COL19A1: variants seen among roughly 807,000 people sequenced by gnomAD.
The protein encoded by COL19A1 is collagen alpha-1(XIX) chain.
In COL19A1, 159 loss-of-function variants were observed where a neutral mutation model predicts 190.2. That is an observed-to-expected ratio of 0.84 (90% CI 0.73 to 0.95). The LOEUF (loss-of-function observed/expected upper bound fraction) is 0.95, where lower values mean the gene tolerates loss of function less well. Ranked by LOEUF, COL19A1 falls within the 40% of genes least tolerant of loss-of-function variation. COL19A1 has a pLI of 0.00. For synonymous variants in COL19A1, 509 were observed against 458.9 expected, an observed-to-expected ratio of 1.11 and a Z score of -1.39; for missense variants, 1,418 against 1,431.9, an observed-to-expected ratio of 0.99 and a Z score of 0.16.
intron 4 of COL19A1, among the ~76,000 whole-genome samples, chr6:69,927,246 T>C (rs1432740288): frequency 6.6e-6 from 1 of 152,174 alleles, no homozygotes; most frequent in Admixed American, 6.6e-5. Context: ...GTTTCTTTTA[T>C]TTTCTTATCA....
At chr6:70,041,869 T>G (rs1389637766) in intron 14 of COL19A1, among the ~76,000 whole-genome samples, 7 of 151,734 alleles carry the variant, frequency 4.6e-5, no homozygotes. Context: ...CTGGTCAACA[T>G]GGCAAAACCT....
At chr6:70,042,266 A>G (rs1168730772) in intron 14 of COL19A1, among the ~76,000 whole-genome samples, 1 of 152,154 alleles carries the variant, frequency 6.6e-6, no homozygotes, top group Non-Finnish European at 1.5e-5. Flanking sequence ...GAGATTGCCT[A>G]ATGCAGAATA....
chr6:70,095,531 T>C (rs1783198130), intron 15 of COL19A1, among the ~76,000 whole-genome samples: 1 of 152,204 alleles, frequency 6.6e-6, no homozygotes, highest in African/African-American at 2.4e-5. Context: ...TTTTGAATTG[T>C]GGTAAAAAAT....
chr6:69,892,199 C>T (rs1271879460), intron 2 of COL19A1, among the ~76,000 whole-genome samples: 1 of 152,182 alleles, frequency 6.6e-6, no homozygotes, highest in Non-Finnish European at 1.5e-5. Flanking sequence ...ATCCCAACTG[C>T]CTGGCAGGAT....
chr6:70,173,765 G>A (rs565211323), intron 41 of COL19A1, among the ~76,000 whole-genome samples: 4 of 152,154 alleles, frequency 2.6e-5, no homozygotes, highest in Non-Finnish European at 5.9e-5. Context: ...AAACGGTAGC[G>A]AATAAATAGG....
rs536378158 is a variant in COL19A1 at position 70,081,015 on chromosome 6, C to G, written c.1224+12539C>G. 3.3e-5 allele frequency among the ~76,000 whole-genome samples: 5 copies of G among 152,218 alleles called. No individual in the cohort carries two copies. In the South Asian group the frequency reaches 8.3e-4, roughly 25 times the overall value. On this transcript the variant is annotated intron_variant, in intron 15 of 50. Transcript: ENST00000620364. The stretch of plus-strand genomic sequence containing the variant: ...GAGGATGGCATAAGAATTACAAATT[C>G]AAAAGAAGTTACGCTTCTAATTTAA...
chr6:70,060,864 A>G (rs1378324204), intron 14 of COL19A1, among the ~76,000 whole-genome samples: 2 of 152,174 alleles, frequency 1.3e-5, no homozygotes, highest in Non-Finnish European at 2.9e-5. Flanking sequence ...TGTCTTCCAC[A>G]AAACTTGTCC....
rs1491343464 is a variant in COL19A1, at chr6:70,115,826, T to TTTTG, written c.1279-6051_1279-6050insGTTT. Among the ~76,000 whole-genome samples, 7 of 21,642 alleles carry TTTTG rather than the reference T, an allele frequency of 3.2e-4. No homozygotes were observed. The South Asian group carries it at 9.6e-3, about 30-fold the overall frequency. 14.2% of individuals were successfully genotyped at this position (21,642 alleles called of 152,430 possible). A position where few individuals can be genotyped will look rare whatever the true frequency, so the allele number is the denominator to read the frequency against. ...TTTTGTTTTGTTTTTTGGTGTTTTG[T>TTTTG]TTTTTTTTTTTTTTTTGGTGGGGAG... On this transcript the variant is annotated intron_variant, in intron 16 of 50. Transcript: ENST00000620364.
intron 24 of COL19A1, among the ~76,000 whole-genome samples, chr6:70,144,542 T>C (rs1786484566): frequency 6.6e-6 from 1 of 152,204 alleles, no homozygotes; most frequent in African/African-American, 2.4e-5. Context: ...AGTCTCTTAA[T>C]CTTGCAGGAT....
At chr6:69,921,319 A>AATCATATATCATATATCTATATAT (rs1561997478) in intron 4 of COL19A1, among the ~76,000 whole-genome samples, 1 of 123,234 alleles carries the variant, frequency 8.1e-6, no homozygotes, top group Non-Finnish European at 1.6e-5. Context: ...TATATCATAT[A>AATCATATATCATATATCTATATAT]ATCATATATC....
At chr6:70,072,159 G>C (rs1378199375) in intron 15 of COL19A1, among the ~76,000 whole-genome samples, 1 of 152,126 alleles carries the variant, frequency 6.6e-6, no homozygotes, top group Non-Finnish European at 1.5e-5. Flanking sequence ...GAGAAACATT[G>C]CAAAAGAACT....
Position 70,037,774 on chromosome 6 carries a change from A to G in COL19A1, c.1170+1835A>G, listed in dbSNP as rs1004493271. Among the ~76,000 whole-genome samples the G allele has an allele frequency of 2.0e-5, 3 of 152,194 alleles. No homozygotes were observed. The East Asian group carries it at 5.8e-4, about 29-fold the overall frequency. On this transcript the variant is annotated intron_variant, in intron 14 of 50. Coordinates refer to ENST00000620364, the MANE Select transcript of COL19A1 (RefSeq NM_001858.6). ...GTATTGGATTACATATATTTTGTGGATGTTTAATAGCAGCTAGCTTCTTTC... is the reference window on the plus strand; with the variant it reads ...GTATTGGATTACATATATTTTGTGGGTGTTTAATAGCAGCTAGCTTCTTTC...
chr6:70,039,323 A>G (rs1230028868), intron 14 of COL19A1, among the ~76,000 whole-genome samples: 2 of 152,192 alleles, frequency 1.3e-5, no homozygotes, highest in Admixed American at 6.5e-5. Flanking sequence ...GGAATTACTC[A>G]TTACACTAGT....
chr6:70,167,945 T>C (rs1279373525), intron 37 of COL19A1, 80 bp from the exon 38 acceptor site: 1 of 1,048,386 alleles, frequency 9.5e-7, no homozygotes, highest in East Asian at 2.4e-5. Context: ...AGGAATAGTA[T>C]CATTTGGTAA....
intron 16 of COL19A1, among the ~76,000 whole-genome samples, chr6:70,103,370 A>G (rs1260013646): frequency 6.6e-6 from 1 of 152,156 alleles, no homozygotes; most frequent in African/African-American, 2.4e-5. Context: ...ACCTTCTCCA[A>G]GTGGAGCAAA....
chr6:70,162,370 T>C (rs897589615), intron 35 of COL19A1, among the ~76,000 whole-genome samples: 2 of 152,134 alleles, frequency 1.3e-5, no homozygotes, highest in Middle Eastern at 3.2e-3. Flanking sequence ...TGTTCCTATG[T>C]ATAAAATAAA....
chr6:70,058,042 C>T (rs891021036), intron 14 of COL19A1, among the ~76,000 whole-genome samples: 1 of 152,024 alleles, frequency 6.6e-6, no homozygotes, highest in African/African-American at 2.4e-5. Context: ...GTACAGATAT[C>T]ACAACATCAT....
In COL19A1 at chr6:69,949,187, G is replaced by A. The variant is rs117113003; in HGVS notation, c.937-10809G>A. Among the ~76,000 whole-genome samples the A allele has an allele frequency of 1.5e-3, 228 of 151,882 alleles. 1 individual carries two copies. The highest frequency in any genetic ancestry group is 2.6e-3 in the Non-Finnish European group (179 of 67,830). On this transcript the variant is annotated intron_variant, in intron 9 of 50. Transcript: ENST00000620364. ...GGTGCTAAATATGGTAACAGATTAC[G>A]TTTAACTCTTGGTTCCCGGATTCAC... is the stretch of plus-strand genomic sequence containing the variant.
chr6:70,040,125 T>G (rs892959287), intron 14 of COL19A1, among the ~76,000 whole-genome samples: 32 of 152,142 alleles, frequency 2.1e-4, no homozygotes, highest in African/African-American at 7.2e-4. Context: ...TTTTGGTACT[T>G]AAATTTTTTT....
Sources: gnomAD v4.1 joint callset for allele counts (sites outside exome capture counted in the v4.1 genomes callset) on GRCh38, gnomAD v4.1.1 for gene constraint, MANE v1.5 for transcripts, NCBI Gene and HGNC (gene_info 2026-07-23, HGNC 2026-07-21) for gene names.